Variants in TRAPPC3L observed in about 807,000 individuals in gnomAD.
TRAPPC3L encodes trafficking protein particle complex subunit 3L, also known as trafficking protein particle complex subunit 3-like protein.
A neutral mutation model predicts 23.7 loss-of-function variants in TRAPPC3L; 23 were observed. The ratio of observed to expected loss-of-function variants is 0.97; its 90% CI spans 0.70 to 1.37. The LOEUF (loss-of-function observed/expected upper bound fraction) is 1.37, where lower values mean the gene tolerates loss of function less well. TRAPPC3L is among the 40% of genes most tolerant of loss of function. The pLI, the probability that TRAPPC3L is intolerant of heterozygous loss-of-function variation, is 0.00. For missense variants in TRAPPC3L, 212 were observed against 216.8 expected, an observed-to-expected ratio of 0.98 and a Z score of 0.14; for synonymous variants, 81 against 77.9, an observed-to-expected ratio of 1.04 and a Z score of -0.21.
chr6:116,503,646 T>C (rs1397695124), intron 3 of TRAPPC3L, among the ~76,000 whole-genome samples: 1 of 152,094 alleles, frequency 6.6e-6, no homozygotes, highest in African/African-American at 2.4e-5. Context: ...TCAGCAAATG[T>C]AAAAGAACAG....
Position 116,545,597 on chromosome 6 carries a change from GT to G in TRAPPC3L, c.-84del. On this transcript the variant is annotated 5_prime_UTR_variant, in exon 1 of 5. Transcript: ENST00000368602. ...GAGGTGTATCAGTCCATGTCTTTTT[GT>G]TTTGTTTTTGTAAGCTCTTCCTCGC... 7.5e-7 allele frequency: 1 copy of G among 1,325,384 alleles called. No individual in the cohort carries two copies. The highest frequency in any genetic ancestry group is 1.0e-6 in the Non-Finnish European group (1 of 963,452). The allele number at this position is 1,325,384 out of a possible 1,614,324, so 82.1% of individuals were successfully genotyped here. A position where few individuals can be genotyped will look rare whatever the true frequency, so the allele number is the denominator to read the frequency against.
At chr6:116,520,336 T>A (rs1448389568) in intron 3 of TRAPPC3L, 1 of 152,184 alleles carries the variant, frequency 6.6e-6, no homozygotes, top group African/African-American at 2.4e-5. Flanking sequence ...TCTAAGGTAA[T>A]TATCTTAATT....
chr6:116,512,014 C>T (rs750198484), intron 3 of TRAPPC3L: 59 of 1,613,880 alleles, frequency 3.7e-5, no homozygotes, highest in Middle Eastern at 3.3e-4. Context: ...TCACTCTGAG[C>T]TCATTGGTGG....
intron 3 of TRAPPC3L, among the ~76,000 whole-genome samples, chr6:116,530,160 T>C (rs567605656): frequency 6.6e-6 from 1 of 151,304 alleles, no homozygotes; most frequent in South Asian, 2.1e-4. Context: ...GGAAGCCAAA[T>C]ATAATTAGAA....
At chr6:116,497,141 C>CT in intron 4 of TRAPPC3L, 68 bp from the exon 5 acceptor site, 1 of 1,480,948 alleles carries the variant, frequency 6.8e-7, no homozygotes, top group South Asian at 1.3e-5. Flanking sequence ...TTTTCTCAGT[C>CT]TTTTTTCAGC....
chr6:116,526,624 G>A (rs533671229), intron 3 of TRAPPC3L, among the ~76,000 whole-genome samples: 1 of 152,184 alleles, frequency 6.6e-6, no homozygotes, highest in African/African-American at 2.4e-5. Flanking sequence ...GAGAGGTCAC[G>A]GCAAGTCTGA....
Position 116,535,093 on chromosome 6 carries a change from A to G in TRAPPC3L, c.240+5270T>C, listed in dbSNP as rs1772995336. The stretch of plus-strand genomic sequence containing the variant: ...TAAACATTGTCAGTAACTAGAAGGT[A>G]TGGATGGATGCTCTGCAGGAGGCTT... On this transcript the variant is annotated intron_variant, in intron 3 of 4. Transcript: ENST00000368602. Among the ~76,000 whole-genome samples the G allele has an allele frequency of 2.6e-5, 4 of 152,236 alleles. No homozygotes were observed. The South Asian group carries it at 8.3e-4, about 31-fold the overall frequency.
At chr6:116,511,882 A>G in intron 3 of TRAPPC3L, 1 of 1,613,972 alleles carries the variant, frequency 6.2e-7, no homozygotes, top group African/African-American at 1.3e-5. Context: ...CCTGGGTGTT[A>G]CTGATCCTGG....
At chr6:116,500,409 T>C in intron 4 of TRAPPC3L, 72 bp downstream of exon 4, 1 of 1,327,950 alleles carries the variant, frequency 7.5e-7, no homozygotes, top group Non-Finnish European at 1.0e-6. Context: ...GAATTATGTA[T>C]ATTGGTTATC....
rs1276006602 is a variant in TRAPPC3L at position 116,499,187 on chromosome 6, G to C, written c.426+1294C>G. ...TCTCAGAAACTTACAAATCATTCTTGAATCTTTTTCTCAATTTCATTCCTT... is the reference window on the plus strand; with the variant it reads ...TCTCAGAAACTTACAAATCATTCTTCAATCTTTTTCTCAATTTCATTCCTT... On this transcript the variant is annotated intron_variant, in intron 4 of 4. Transcript: ENST00000368602. Among the ~76,000 whole-genome samples, 6 of 152,274 alleles carry C rather than the reference G, an allele frequency of 3.9e-5. No individual in the cohort carries two copies. In the South Asian group the frequency reaches 1.0e-3, roughly 26 times the overall value.
intron 3 of TRAPPC3L, among the ~76,000 whole-genome samples, chr6:116,507,480 G>A (rs1364386523): frequency 6.6e-6 from 1 of 152,156 alleles, no homozygotes; most frequent in Non-Finnish European, 1.5e-5. Context: ...GCAGTGTGAT[G>A]AAACCTCTCA....
intron 3 of TRAPPC3L, chr6:116,520,190 T>G (rs921852754): frequency 1.3e-5 from 2 of 152,160 alleles, no homozygotes; most frequent in Non-Finnish European, 2.9e-5. Context: ...ATCCACTGAT[T>G]TACTCTAAAA....
intron 3 of TRAPPC3L, among the ~76,000 whole-genome samples, chr6:116,539,184 T>A (rs549662886): frequency 6.6e-6 from 1 of 152,344 alleles, no homozygotes; most frequent in Admixed American, 6.5e-5. Context: ...GGTATTCTTG[T>A]AGTATTGCCT....
At chr6:116,523,766 G>A (rs1405073432) in intron 3 of TRAPPC3L, 1 of 152,022 alleles carries the variant, frequency 6.6e-6, no homozygotes, top group Non-Finnish European at 1.5e-5. Flanking sequence ...CTAGTTTATA[G>A]GAAACATAAG....
chr6:116,528,722 C>T (rs1772525911), intron 3 of TRAPPC3L, among the ~76,000 whole-genome samples: 2 of 152,136 alleles, frequency 1.3e-5, no homozygotes, highest in Admixed American at 1.3e-4. Flanking sequence ...TGCCAGCCTT[C>T]TCTGGAATGT....
At chr6:116,540,740 T>A (rs535578976) in intron 2 of TRAPPC3L, among the ~76,000 whole-genome samples, 14 of 151,996 alleles carry the variant, frequency 9.2e-5, no homozygotes, top group Non-Finnish European at 1.5e-4. Context: ...TAAATTAAAA[T>A]TAAGGAAGGC....
intron 3 of TRAPPC3L, among the ~76,000 whole-genome samples, chr6:116,535,664 G>A (rs1773028773): frequency 6.6e-6 from 1 of 152,084 alleles, no homozygotes; most frequent in South Asian, 2.1e-4. Context: ...AGTAACAGTT[G>A]AATTATCTAA....
In TRAPPC3L at chr6:116,496,983, C is replaced by G; in HGVS notation, c.517G>C (p.Asp173His). 1.3e-6 allele frequency: 2 copies of G among 1,545,960 alleles called. No homozygotes were observed. The highest frequency in any genetic ancestry group is 1.7e-6 in the Non-Finnish European group (2 of 1,145,584). Reference protein sequence around the residue: ...EIGITFLKKRDEKKYRGKK With the variant: ...EIGITFLKKRHEKKYRGKK ...TTTTTCCCTCTATATTTTTTCTCGT[C>G]TCGCTTTTTTAGAAATGTTATTCCT... is the stretch of plus-strand genomic sequence containing the variant. Residue 173 changes from aspartate (D) to histidine (H), a missense_variant, in exon 5 of 5, where the codon GAC becomes CAC. Transcript: ENST00000368602.
chr6:116,537,395 C>T (rs915430536), intron 3 of TRAPPC3L, among the ~76,000 whole-genome samples: 3 of 152,100 alleles, frequency 2.0e-5, no homozygotes, highest in African/African-American at 4.8e-5. Context: ...ATTAGGAGGT[C>T]AAATTTCGTT....
Sources: allele counts gnomAD v4.1 joint callset (sites outside exome capture counted in the v4.1 genomes callset), GRCh38; gene constraint gnomAD v4.1.1; transcripts MANE v1.5; gene names NCBI Gene and HGNC (gene_info 2026-07-23, HGNC 2026-07-21).